Variants in DCC observed in about 807,000 individuals in gnomAD.
The protein encoded by DCC is DCC netrin 1 receptor, also known as netrin receptor DCC.
Under a neutral mutation model 172.5 loss-of-function variants are expected in DCC, and 58 were observed. The observed-to-expected ratio is 0.34, with a 90% CI of 0.27 to 0.42. The LOEUF is 0.42. Ranked by LOEUF, DCC falls within the 10% of genes least tolerant of loss-of-function variation. The pLI, the probability that DCC is intolerant of heterozygous loss-of-function variation, is 1.00. For missense variants in DCC, 1,740 were observed against 1,791.0 expected (o/e 0.97, Z 0.51); for synonymous variants, 709 against 644.5 (o/e 1.10, Z -1.52).
Position 52,522,523 on chromosome 18 carries a change from AT to A in DCC, c.91+181649del, listed in dbSNP as rs199576350. ...GATAAAATATAGGATACCCAGTTAA[AT>A]TTTAGAAAACAAGTACTGCATATTG... is the stretch of plus-strand genomic sequence containing the variant. On this transcript the variant is annotated intron_variant, in intron 1 of 28. Transcript: ENST00000442544. 8.4e-3 allele frequency among the ~76,000 whole-genome samples: 1,280 copies of A among 152,284 alleles called. 24 individuals are homozygous for A. Among genetic ancestry groups the A allele is most frequent in the African/African-American group, 0.03 (1,230 of 41,542 alleles).
At chr18:53,130,841 C>G (rs952247795) in intron 7 of DCC, among the ~76,000 whole-genome samples, 1 of 152,044 alleles carries the variant, frequency 6.6e-6, no homozygotes, top group Non-Finnish European at 1.5e-5. Context: ...TTTCTACTTT[C>G]CTGAAATGTA....
intron 5 of DCC, among the ~76,000 whole-genome samples, chr18:53,007,279 A>G (rs1436856925): frequency 3.9e-5 from 6 of 152,180 alleles, no homozygotes; most frequent in Admixed American, 2.6e-4. Flanking sequence ...GATGACAATG[A>G]TAAATTTTAT....
At chr18:53,008,923 C>T (rs184020746) in intron 5 of DCC, among the ~76,000 whole-genome samples, 84 of 151,960 alleles carry the variant, frequency 5.5e-4, no homozygotes, top group African/African-American at 1.8e-3. Context: ...ACTCACAACC[C>T]GTATTTCTAA....
At chr18:52,602,488 G>T (rs2034037261) in intron 1 of DCC, among the ~76,000 whole-genome samples, 1 of 151,330 alleles carries the variant, frequency 6.6e-6, no homozygotes, top group Admixed American at 6.6e-5. Flanking sequence ...GCCAGCAGGG[G>T]ATCAGTGACA....
chr18:53,198,375 A>G (rs750767392), intron 9 of DCC, among the ~76,000 whole-genome samples: 4 of 152,076 alleles, frequency 2.6e-5, no homozygotes, highest in Non-Finnish European at 5.9e-5. Context: ...AGTAGGGATA[A>G]AAAACCACAC....
intron 1 of DCC, among the ~76,000 whole-genome samples, chr18:52,739,574 A>T (rs902255746): frequency 6.6e-6 from 1 of 152,172 alleles, no homozygotes; most frequent in African/African-American, 2.4e-5. Flanking sequence ...TGTCACTGCT[A>T]TTCAGTGAAG....
In DCC at chr18:53,047,282, AT is replaced by A. The variant is rs1209837535; in HGVS notation, c.986-16022del. ...TATATATATATATATATATATATAT[AT>A]ATATAATTTTATATATATATATATA... On this transcript the variant is annotated intron_variant, in intron 5 of 28. Transcript: ENST00000442544. Among the ~76,000 whole-genome samples, 8 of 18,140 alleles carry A rather than the reference AT, an allele frequency of 4.4e-4. 1 individual carries two copies. Among genetic ancestry groups the A allele is most frequent in the African/African-American group, 3.0e-3 (7 of 2,338 alleles). The allele number at this position is 18,140 out of a possible 152,430, so 11.9% of individuals were successfully genotyped here.
chr18:52,803,952 C>T (rs1057310609), intron 2 of DCC, among the ~76,000 whole-genome samples: 3 of 152,082 alleles, frequency 2.0e-5, no homozygotes, highest in East Asian at 3.9e-4. Flanking sequence ...GATGCAGCAC[C>T]AGATGGGCCA....
chr18:53,147,229 G>T (rs1266093900), intron 7 of DCC, among the ~76,000 whole-genome samples: 1 of 152,150 alleles, frequency 6.6e-6, no homozygotes, highest in East Asian at 1.9e-4. Flanking sequence ...CTACATGAGT[G>T]ATGACTCAGC....
chr18:53,185,574 T>C (rs185216558), intron 9 of DCC, among the ~76,000 whole-genome samples: 58 of 152,308 alleles, frequency 3.8e-4, no homozygotes, highest in Non-Finnish European at 7.6e-4. Flanking sequence ...ATTCAACTTA[T>C]CTCTCTTGTG....
At chr18:52,797,443 TTAAG>T (rs1345118886) in intron 2 of DCC, among the ~76,000 whole-genome samples, 1 of 152,236 alleles carries the variant, frequency 6.6e-6, no homozygotes, top group African/African-American at 2.4e-5. Context: ...ATAGTATTGG[TTAAG>T]TAAGTTGCTT....
rs1055910335 is a variant in DCC at position 53,511,177 on chromosome 18, T to C, written c.4111+11667T>C. Among the ~76,000 whole-genome samples, 94 of 152,378 alleles carry C rather than the reference T, an allele frequency of 6.2e-4. 2 individuals carry two copies. The highest frequency in any genetic ancestry group is 3.6e-3 in the Admixed American group (55 of 15,314). ...TAGGTGGGACAAAGGTTACCTGTTT[T>C]ACCCTTTCTCTCTCTAGGTTTTAGT... On this transcript the variant is annotated intron_variant, in intron 27 of 28. Transcript: ENST00000442544.
chr18:53,214,511 CAT>C (rs1157920265), intron 11 of DCC, among the ~76,000 whole-genome samples: 3 of 152,026 alleles, frequency 2.0e-5, no homozygotes, highest in South Asian at 2.1e-4. Flanking sequence ...TATAGAAAAA[CAT>C]AGATTTTTTT....
chr18:53,486,766 CA>C (rs1373897527), intron 25 of DCC, 30 bp from the exon 26 acceptor site: 2 of 1,613,798 alleles, frequency 1.2e-6, no homozygotes, highest in African/African-American at 1.3e-5. Flanking sequence ...ACATAAGGTT[CA>C]AAAAACCCAT....
chr18:53,242,042 C>T lies in DCC; in HGVS notation c.1911+26445C>T, dbSNP rs554587290. ...TAAGAAGAGGACTTCTTAAAGCATG[C>T]GCAGTCTTTTTAAAAAGTTTTCCTG... On this transcript the variant is annotated intron_variant, in intron 12 of 28. Transcript: ENST00000442544. Among the ~76,000 whole-genome samples the T allele has an allele frequency of 1.4e-4, 21 of 152,206 alleles. No individual in the cohort carries two copies. The South Asian group carries it at 2.1e-3, about 15-fold the overall frequency.
chr18:52,493,056 C>T (rs1250422441), intron 1 of DCC, among the ~76,000 whole-genome samples: 2 of 152,052 alleles, frequency 1.3e-5, no homozygotes, highest in African/African-American at 4.8e-5. Context: ...TGCAGATATA[C>T]ATAAATGTGT....
chr18:53,272,644 A>T (rs1555743399), intron 12 of DCC, among the ~76,000 whole-genome samples: 2 of 152,142 alleles, frequency 1.3e-5, no homozygotes, highest in African/African-American at 2.4e-5. Context: ...TTCAGTAATT[A>T]TTTGTTGAGT....
intron 7 of DCC, among the ~76,000 whole-genome samples, chr18:53,082,716 T>G (rs1234187996): frequency 6.6e-6 from 1 of 152,142 alleles, no homozygotes; most frequent in African/African-American, 2.4e-5. Context: ...TTCTTATAGT[T>G]TCCACGTGGT....
chr18:53,288,424 G>T (rs2056960922), intron 12 of DCC, among the ~76,000 whole-genome samples: 1 of 152,024 alleles, frequency 6.6e-6, no homozygotes, highest in Admixed American at 6.6e-5. Context: ...TTCTTTCCAT[G>T]TTGCATAATT....
Sources: allele counts gnomAD v4.1 joint callset (sites outside exome capture counted in the v4.1 genomes callset), GRCh38; gene constraint gnomAD v4.1.1; transcripts MANE v1.5; gene names NCBI Gene and HGNC (gene_info 2026-07-23, HGNC 2026-07-21).